The following TNK2 variants were observed in gnomAD, a reference collection of about 807,000 sequenced individuals.
TNK2 encodes tyrosine kinase non receptor 2, also known as activated CDC42 kinase 1.
TNK2 carries 83 observed loss-of-function variants against 101.8 expected under a neutral mutation model. The ratio of observed to expected loss-of-function variants is 0.82; its 90% CI spans 0.68 to 0.98. The LOEUF (loss-of-function observed/expected upper bound fraction) is 0.98. Ranked by LOEUF, TNK2 falls within the 50% of genes least tolerant of loss-of-function variation. The pLI is 0.00. For synonymous variants in TNK2, 804 were observed against 633.0 expected, an observed-to-expected ratio of 1.27 and a Z score of -4.06; for missense variants, 1,665 against 1,483.2, an observed-to-expected ratio of 1.12 and a Z score of -2.01.
Position 195,867,549 on chromosome 3 carries a change from G to C in TNK2, c.2749C>G (p.Pro917Ala), listed in dbSNP as rs769029770. ...LLLPPPSTPA[P>A]AAPTATVRPM... ...CGCACGGTGGCCGTGGGGGCGGCGG[G>C]GGCTGGGGTGCTGGGTGGGGGCAGC... Residue 917 changes from proline to alanine, a missense_variant, in exon 13 of 16, where the codon CCC becomes GCC. Physicochemically the swap from Pro to Ala is conservative, Grantham distance 27. Transcript: ENST00000672887. The C allele has an allele frequency of 9.0e-6, 14 of 1,549,730 alleles. No homozygotes were observed. The highest frequency in any genetic ancestry group is 3.5e-6 in the Non-Finnish European group (4 of 1,156,038).
Position 195,878,482 on chromosome 3 carries a change from T to C in TNK2, c.1125A>G (p.Arg375=). 1 of 1,613,934 alleles carries C rather than the reference T, an allele frequency of 6.2e-7. No homozygotes were observed. Among genetic ancestry groups the C allele is most frequent in the African/African-American group, 1.3e-5 (1 of 75,038 alleles). The part of the protein sequence containing the change: ...VQCWAHKPED[R]PTFVALRDFL... ...AGTCCCGCAGGGCCACAAACGTGGG[T>C]CTGTCCTCTGGCTTGTGAGCCCAGC... The change falls in exon 8 of 16, where the codon AGA becomes AGG. Residue 375 remains arginine, a synonymous_variant. Coordinates refer to ENST00000672887, the MANE Select transcript of TNK2 (RefSeq NM_001382273.1). The surrounding 1 kb of genome is among the most constrained non-coding windows in gnomAD (Gnocchi z 4.7).
chr3:195,866,215 T>C (rs534516566), intron 15 of TNK2, among the ~76,000 whole-genome samples: 1 of 152,356 alleles, frequency 6.6e-6, no homozygotes, highest in South Asian at 2.1e-4. Flanking sequence ...AAAATTTTTT[T>C]TTTTGGAGAC....
At chr3:195,876,675 G>A (rs1409254913) in intron 9 of TNK2, 5 of 454,604 alleles carry the variant, frequency 1.1e-5, no homozygotes, top group African/African-American at 2.0e-5. Flanking sequence ...GGTGGCCCAG[G>A]GGGAAGGAGC....
At chr3:195,892,707 G>T in intron 1 of TNK2, 1 of 1,393,968 alleles carries the variant, frequency 7.2e-7, no homozygotes, top group Non-Finnish European at 9.3e-7. Context: ...CTGCAGCCGG[G>T]ATCCTCTGTC....
chr3:195,886,916 A>C lies in TNK2; in HGVS notation c.234+61T>G. Reference sequence around the variant, plus strand: ...AGCTGGGGAAGGTTCCCAGGACCAGAAGCGGAGGGGGGCGTTCGAGGCTGC... The same window carrying C: ...AGCTGGGGAAGGTTCCCAGGACCAGCAGCGGAGGGGGGCGTTCGAGGCTGC... On this transcript the variant is annotated intron_variant, in intron 3 of 15. Coordinates refer to ENST00000672887, the MANE Select transcript of TNK2 (RefSeq NM_001382273.1). This position sits in a 1 kb window ranked among gnomAD's most constrained non-coding sequence, Gnocchi z 4.2. The C allele has an allele frequency of 6.3e-7, 1 of 1,581,436 alleles. No homozygotes were observed. The highest frequency in any genetic ancestry group is 8.7e-7 in the Non-Finnish European group (1 of 1,150,198).
In TNK2 at chr3:195,867,472, G is replaced by GTTGTTGGTGGAGAAGTTGGCCT. The variant is rs1242815205; in HGVS notation, c.2804_2825dup (p.Asn942LysfsTer133). The GTTGTTGGTGGAGAAGTTGGCCT allele has an allele frequency of 6.3e-7, 1 of 1,581,498 alleles. No homozygotes were observed. The highest frequency in any genetic ancestry group is 8.5e-7 in the Non-Finnish European group (1 of 1,171,714). ...GTGGTGGCCGGGCCCCTGGGTTGCT[G>GTTGTTGGTGGAGAAGTTGGCCT]TTGTTGGTGGAGAAGTTGGCCTTGG... On this transcript the variant is annotated frameshift_variant, in exon 13 of 16. Transcript: ENST00000672887. LOFTEE classifies it high-confidence loss of function.
At chr3:195,870,370 G>A (rs535058887) in intron 10 of TNK2, 165 bp from the exon 11 acceptor site, 11 of 1,487,268 alleles carry the variant, frequency 7.4e-6, no homozygotes, top group South Asian at 1.2e-5. Flanking sequence ...GTCTCAGCTG[G>A]GGGGTGTCCT....
chr3:195,870,993 CCCG>C (rs1560486493), intron 10 of TNK2, among the ~76,000 whole-genome samples: 1 of 92,490 alleles, frequency 1.1e-5, no homozygotes, highest in African/African-American at 3.6e-5. Context: ...TGTGTGGGGG[CCCG>C]CTGTGTGGGT....
At chr3:195,871,836 G>A (rs963016899) in intron 10 of TNK2, among the ~76,000 whole-genome samples, 1 of 152,202 alleles carries the variant, frequency 6.6e-6, no homozygotes, top group African/African-American at 2.4e-5. Context: ...CAGATGAAGT[G>A]TCTCAGAGTT....
Position 195,869,530 on chromosome 3 carries a change from G to A in TNK2, c.1555C>T (p.Pro519Ser). ...HLGGVKREPP[P>S]RPPQPAFFTQ... Reference sequence around the variant, plus strand: ...AAGAAGGCAGGCTGAGGTGGGCGAGGTGGAGGCTCCCCTGCAAGAAAGGCC... The same window carrying A: ...AAGAAGGCAGGCTGAGGTGGGCGAGATGGAGGCTCCCCTGCAAGAAAGGCC... Residue 519 changes from proline to serine, a missense_variant, in exon 12 of 16, where the codon CCT becomes TCT. Around this residue, in one of 3 missense-constraint regions of TNK2, gnomAD observed 1,136 missense variants for 894.9 expected, o/e 1.27. Coordinates refer to ENST00000672887, the MANE Select transcript of TNK2 (RefSeq NM_001382273.1). 1.3e-6 allele frequency: 2 copies of A among 1,551,144 alleles called. No individual in the cohort carries two copies. Among genetic ancestry groups the A allele is most frequent in the Non-Finnish European group, 1.7e-6 (2 of 1,146,988 alleles).
intron 9 of TNK2, among the ~76,000 whole-genome samples, chr3:195,875,020 A>G (rs60454220): frequency 1.3e-3 from 4 of 3,026 alleles, no homozygotes; most frequent in Non-Finnish European, 1.5e-3. Flanking sequence ...GGCACAAGAA[A>G]CTCCCCCTCG....
intron 1 of TNK2, among the ~76,000 whole-genome samples, chr3:195,891,665 CT>C (rs908442884): frequency 3.3e-5 from 5 of 152,086 alleles, no homozygotes; most frequent in South Asian, 2.1e-4. Flanking sequence ...GACCCCCCCC[CT>C]CCAGGGCTCA....
intron 10 of TNK2, among the ~76,000 whole-genome samples, chr3:195,870,656 TC>T (rs1404443009): frequency 6.6e-6 from 1 of 152,238 alleles, no homozygotes; most frequent in Non-Finnish European, 1.5e-5. Flanking sequence ...GGGCCACCTG[TC>T]CTGCTCCGGA....
chr3:195,865,693 AGAAC>A (rs1740329966), intron 15 of TNK2, among the ~76,000 whole-genome samples: 1 of 149,870 alleles, frequency 6.7e-6, no homozygotes. Flanking sequence ...AAATCAGTTA[AGAAC>A]GACCCGAGAC....
At chr3:195,876,523 G>C (rs931300582) in intron 9 of TNK2, 1 of 456,596 alleles carries the variant, frequency 2.2e-6, no homozygotes, top group Non-Finnish European at 4.4e-6. Context: ...AGAAACAAGG[G>C]GGCAGAGTCA....
chr3:195,900,845 C>T lies in TNK2; in HGVS notation c.-19+7640G>A, dbSNP rs114861726. Among the ~76,000 whole-genome samples the T allele has an allele frequency of 6.0e-3, 916 of 152,342 alleles. 5 individuals carry two copies. Among genetic ancestry groups the T allele is most frequent in the African/African-American group, 0.021 (868 of 41,588 alleles). ...CAGAGAGAGCTCTTCCAGGGCTGGG[C>T]AGAGGCTGCCCGGCTCGTCATCCTG... On this transcript the variant is annotated intron_variant, in intron 1 of 15. Transcript: ENST00000672887.
Position 195,867,433 on chromosome 3 carries a change from A to C in TNK2, c.2865T>G (p.Thr955=), listed in dbSNP as rs1015547963. 5 of 1,599,328 alleles carry C rather than the reference A, an allele frequency of 3.1e-6. No homozygotes were observed. Among genetic ancestry groups the C allele is most frequent in the Non-Finnish European group, 4.2e-6 (5 of 1,177,594 alleles). ...PGARPPPPRA[T]ARLPQRGCPG... ...GGCAGCCCCTCTGTGGCAGCCGAGC[A>C]GTGGCCCTCGGGGGTGGTGGCCGGG... The change falls in exon 13 of 16, where the codon ACT becomes ACG. Residue 955 remains threonine (T), a synonymous_variant. Transcript: ENST00000672887.
At chr3:195,900,912 G>T (rs868117351) in intron 1 of TNK2, among the ~76,000 whole-genome samples, 2 of 152,216 alleles carry the variant, frequency 1.3e-5, no homozygotes, top group Non-Finnish European at 2.9e-5. Context: ...CAAGCCCTAC[G>T]CAAGAGTCCA....
intron 1 of TNK2, among the ~76,000 whole-genome samples, chr3:195,905,001 A>G (rs1357652268): frequency 2.0e-5 from 3 of 152,220 alleles, no homozygotes; most frequent in African/African-American, 7.2e-5. Context: ...TAAAATGTAT[A>G]TGGAAGTGCA....
Sources: gnomAD v4.1 joint callset for allele counts (sites outside exome capture counted in the v4.1 genomes callset) on GRCh38, gnomAD v4.1.1 for gene constraint, gnomAD v4.1.1 regional missense constraint, Gnocchi (gnomAD v3.1) non-coding constraint, MANE v1.5 for transcripts, NCBI Gene and HGNC (gene_info 2026-07-23, HGNC 2026-07-21) for gene names.